HAUS2: variants seen among roughly 807,000 people sequenced by gnomAD.
HAUS2 encodes the protein HAUS augmin-like complex subunit 2.
HAUS2 carries 20 observed loss-of-function variants against 21.6 expected under a neutral mutation model. The observed-to-expected ratio is 0.93, with a 90% confidence interval of 0.65 to 1.35. The LOEUF is 1.35. Ranked by LOEUF, HAUS2 falls within the 40% of genes most tolerant of loss-of-function variation. The pLI is 0.00. For missense variants in HAUS2, 297 were observed against 280.7 expected, an observed-to-expected ratio of 1.06 and a Z score of -0.42; for synonymous variants, 113 against 95.6, an observed-to-expected ratio of 1.18 and a Z score of -1.06.
chr15:42,555,969 C>T (rs1360530662), intron 1 of HAUS2, among the ~76,000 whole-genome samples: 1 of 151,994 alleles, frequency 6.6e-6, no homozygotes, highest in Non-Finnish European at 1.5e-5. Flanking sequence ...TTTTTTAAGA[C>T]GGAGTTTCGC....
chr15:42,556,997 T>C (rs1310311442), intron 1 of HAUS2, among the ~76,000 whole-genome samples: 2 of 151,324 alleles, frequency 1.3e-5, no homozygotes, highest in African/African-American at 4.9e-5. Flanking sequence ...TGAGCAGAGA[T>C]GTTGCCATTG....
intron 1 of HAUS2, among the ~76,000 whole-genome samples, chr15:42,557,803 C>T (rs993088050): frequency 8.7e-4 from 2 of 2,286 alleles, no homozygotes; most frequent in African/African-American, 1.0e-3. Flanking sequence ...TCCATGAAGG[C>T]GAAAATATTT....
At chr15:42,553,935 G>A (rs958358287) in intron 1 of HAUS2, among the ~76,000 whole-genome samples, 2 of 152,196 alleles carry the variant, frequency 1.3e-5, no homozygotes, top group African/African-American at 4.8e-5. Context: ...GCACACACTG[G>A]CAGTGTGAAG....
At chr15:42,554,268 G>GT (rs2057751085) in intron 1 of HAUS2, among the ~76,000 whole-genome samples, 1 of 151,614 alleles carries the variant, frequency 6.6e-6, no homozygotes, top group Non-Finnish European at 1.5e-5. Flanking sequence ...ATGTTAGCTA[G>GT]TTACCAGGGT....
At chr15:42,563,943 A>G (rs1595556095) in intron 5 of HAUS2, 86 bp downstream of exon 5, 3 of 724,304 alleles carry the variant, frequency 4.1e-6, no homozygotes, top group Non-Finnish European at 7.4e-6. Flanking sequence ...AATAGCTAAT[A>G]TTACGAGCTA....
At chr15:42,565,480 C>T (rs1431406334) in intron 5 of HAUS2, among the ~76,000 whole-genome samples, 1 of 147,644 alleles carries the variant, frequency 6.8e-6, no homozygotes, top group Non-Finnish European at 1.5e-5. Context: ...ATTAGAACTG[C>T]CTTAATCATG....
Position 42,563,740 on chromosome 15 carries a change from C to A in HAUS2, c.390-9C>A. 1 of 1,362,964 alleles carries A rather than the reference C, an allele frequency of 7.3e-7. No homozygotes were observed. The highest frequency in any genetic ancestry group is 1.0e-6 in the Non-Finnish European group (1 of 954,930). The allele number at this position is 1,362,964 out of a possible 1,614,324, so 84.4% of individuals were successfully genotyped here. On this transcript the variant is annotated splice_polypyrimidine_tract_variant and intron_variant, in intron 4 of 5. Coordinates refer to ENST00000260372, the MANE Select transcript of HAUS2 (RefSeq NM_018097.3). ...TAAAAAATGGTTGACTTTTTTCTTT[C>A]TCTTTCAGATATATGGTACATTTGC... is the stretch of plus-strand genomic sequence containing the variant.
rs996163544 is a variant in HAUS2, at chr15:42,568,466, C to T, written c.*1650C>T. On this transcript the variant is annotated 3_prime_UTR_variant, in exon 6 of 6. Coordinates refer to ENST00000260372, the MANE Select transcript of HAUS2 (RefSeq NM_018097.3). ...ACTAATTCATTAATGAGGGCAAAGCCCTCCTTACCTAATTACTTTTTAAAG... is the reference window on the plus strand; with the variant it reads ...ACTAATTCATTAATGAGGGCAAAGCTCTCCTTACCTAATTACTTTTTAAAG... 5.9e-5 allele frequency: 9 copies of T among 152,302 alleles called. No individual in the cohort carries two copies. Among genetic ancestry groups the T allele is most frequent in the African/African-American group, 9.6e-5 (4 of 41,574 alleles). The allele number at this position is 152,302 out of a possible 1,614,324, so 9.4% of individuals were successfully genotyped here.
At chr15:42,551,103 C>G (rs897532843) in intron 1 of HAUS2, among the ~76,000 whole-genome samples, 1 of 149,762 alleles carries the variant, frequency 6.7e-6, no homozygotes, top group Non-Finnish European at 1.5e-5. Flanking sequence ...TCAATCAATT[C>G]TCGTGCTCCC....
chr15:42,550,597 G>A (rs1481275677), intron 1 of HAUS2, among the ~76,000 whole-genome samples: 2 of 152,180 alleles, frequency 1.3e-5, no homozygotes, highest in Non-Finnish European at 2.9e-5. Flanking sequence ...AGATTCAGGT[G>A]GTCCTAGTTG....
At chr15:42,549,483 A>G (rs1452478150) in intron 1 of HAUS2, among the ~76,000 whole-genome samples, 1 of 151,644 alleles carries the variant, frequency 6.6e-6, no homozygotes, top group East Asian at 1.9e-4. Context: ...GTCTCGCTCT[A>G]ACGCCCAGGC....
intron 1 of HAUS2, among the ~76,000 whole-genome samples, chr15:42,557,321 A>G (rs370029875): frequency 1.1e-5 from 1 of 87,042 alleles, no homozygotes; most frequent in Non-Finnish European, 2.4e-5. Context: ...ATTTAAAAAT[A>G]TATATATTAT....
intron 1 of HAUS2, among the ~76,000 whole-genome samples, chr15:42,549,951 A>G (rs1379118660): frequency 6.6e-6 from 1 of 151,982 alleles, no homozygotes; most frequent in Non-Finnish European, 1.5e-5. Flanking sequence ...GAGAAATTGA[A>G]CATGTGAGGA....
At position 42,568,527 on chromosome 15, in the gene HAUS2, C is replaced by T. The variant is rs1011887586; in HGVS notation, c.*1711C>T. On this transcript the variant is annotated 3_prime_UTR_variant, in exon 6 of 6. Coordinates refer to ENST00000260372, the MANE Select transcript of HAUS2 (RefSeq NM_018097.3). ...ACTTTTACAATGTCAATTAAATTTC[C>T]AACACTTGAACTTTGGGGGACATAT... 3 of 152,136 alleles carry T rather than the reference C, an allele frequency of 2.0e-5. No homozygotes were observed. Among genetic ancestry groups the T allele is most frequent in the African/African-American group, 7.2e-5 (3 of 41,426 alleles). The allele number at this position is 152,136 out of a possible 1,614,324, so 9.4% of individuals were successfully genotyped here. A position where few individuals can be genotyped will look rare whatever the true frequency, so the allele number is the denominator to read the frequency against.
rs2057925025 is a variant in HAUS2 at position 42,568,162 on chromosome 15, A to G, written c.*1346A>G. ...GACTTATCCTTTGAAAGGCCTGATT[A>G]TAAGGTTTGTCCTCAGCTGTTGCAT... is the stretch of plus-strand genomic sequence containing the variant. On this transcript the variant is annotated 3_prime_UTR_variant, in exon 6 of 6. Transcript: ENST00000260372. 1 of 152,282 alleles carries G rather than the reference A, an allele frequency of 6.6e-6. No individual in the cohort carries two copies. The highest frequency in any genetic ancestry group is 1.5e-5 in the Non-Finnish European group (1 of 68,070). 9.4% of individuals were successfully genotyped at this position (152,282 alleles called of 1,614,324 possible).
At chr15:42,550,120 C>G (rs1218020573) in intron 1 of HAUS2, among the ~76,000 whole-genome samples, 1 of 151,884 alleles carries the variant, frequency 6.6e-6, no homozygotes. Flanking sequence ...CACATATTAG[C>G]CGGCATGGTG....
At chr15:42,556,261 CTTTTTT>C (rs1200353279) in intron 1 of HAUS2, among the ~76,000 whole-genome samples, 5 of 76,304 alleles carry the variant, frequency 6.6e-5, no homozygotes, top group Admixed American at 4.8e-4. Context: ...TGCGCCCAGG[CTTTTTT>C]TTTTTTTTTT....
intron 1 of HAUS2, among the ~76,000 whole-genome samples, chr15:42,554,487 G>A (rs1298361201): frequency 1.3e-5 from 2 of 149,206 alleles, no homozygotes; most frequent in Non-Finnish European, 3.0e-5. Context: ...TGTTTGTTTT[G>A]TAGGTGTATT....
At chr15:42,554,337 A>G (rs2057751647) in intron 1 of HAUS2, among the ~76,000 whole-genome samples, 2 of 151,918 alleles carry the variant, frequency 1.3e-5, no homozygotes, top group African/African-American at 4.8e-5. Flanking sequence ...TACTATTTTA[A>G]CTGTCTTAAA....
Sources: allele counts gnomAD v4.1 joint callset (sites outside exome capture counted in the v4.1 genomes callset), GRCh38; gene constraint gnomAD v4.1.1; transcripts MANE v1.5; gene names NCBI Gene and HGNC (gene_info 2026-07-23, HGNC 2026-07-21).